The following ATAD2B variants were observed in gnomAD, a reference collection of about 807,000 sequenced individuals.
ATAD2B encodes the protein ATPase family AAA domain-containing protein 2B.
Under a neutral mutation model 167.6 loss-of-function variants are expected in ATAD2B, and 40 were observed. The observed-to-expected ratio is 0.24, with a 90% CI of 0.19 to 0.31. The LOEUF (loss-of-function observed/expected upper bound fraction) is 0.31, where lower values mean the gene tolerates loss of function less well. ATAD2B is among the 10% of genes least tolerant of loss of function. The pLI is 1.00. For synonymous variants in ATAD2B, 579 were observed against 596.5 expected (o/e 0.97, Z 0.43); for missense variants, 1,242 against 1,757.2 (o/e 0.71, Z 5.24).
chr2:23,866,663 C>T (rs1025373082), intron 10 of ATAD2B, among the ~76,000 whole-genome samples: 51 of 152,214 alleles, frequency 3.4e-4, no homozygotes, highest in South Asian at 8.3e-4. Context: ...ATATGCAATA[C>T]TCTAATATTT....
intron 20 of ATAD2B, among the ~76,000 whole-genome samples, chr2:23,788,032 G>A (rs146781679): frequency 2.6e-5 from 4 of 152,098 alleles, no homozygotes; most frequent in South Asian, 2.1e-4. Flanking sequence ...AGAATACAAC[G>A]TTAAATGTAA....
chr2:23,815,474 C>G lies in ATAD2B; in HGVS notation c.2267+4273G>C, dbSNP rs538794549. Among the ~76,000 whole-genome samples the G allele has an allele frequency of 2.0e-5, 3 of 152,234 alleles. No homozygotes were observed. In the South Asian group the frequency reaches 6.2e-4, roughly 32 times the overall value. ...GAAGAGAAGGGGCGTATGATACAGT[C>G]CAGCTATGTACGGAAAGATCCATGG... On this transcript the variant is annotated intron_variant, in intron 17 of 27. Coordinates refer to ENST00000238789, the MANE Select transcript of ATAD2B (RefSeq NM_017552.4).
At chr2:23,855,202 A>C (rs1480220651) in intron 13 of ATAD2B, among the ~76,000 whole-genome samples, 2 of 152,040 alleles carry the variant, frequency 1.3e-5, no homozygotes, top group Non-Finnish European at 2.9e-5. Flanking sequence ...CAAAAAAAAA[A>C]AAAAAACACA....
rs141489709 is a variant in ATAD2B at position 23,842,470 on chromosome 2, T to C, written c.1569-8392A>G. Among the ~76,000 whole-genome samples the C allele has an allele frequency of 1.4e-4, 21 of 152,124 alleles. 1 individual carries two copies. The East Asian group carries it at 3.3e-3, about 24-fold the overall frequency. ...AGAGACAGATGGGTTCTGGTGGGAG[T>C]TCATGGTAACTCAGAGAATGGAAAC... On this transcript the variant is annotated intron_variant, in intron 13 of 27. Transcript: ENST00000238789.
intron 4 of ATAD2B, 32 bp from the exon 5 acceptor site, chr2:23,885,861 C>A (rs763567468): frequency 4.1e-5 from 53 of 1,304,606 alleles, no homozygotes; most frequent in Non-Finnish European, 5.4e-5. Flanking sequence ...AGGATTTAGA[C>A]AATGGTGGCA....
At chr2:23,883,558 T>A in intron 6 of ATAD2B, 1 of 1,216,686 alleles carries the variant, frequency 8.2e-7, no homozygotes, top group Non-Finnish European at 1.1e-6. Context: ...GTTCAGTTAA[T>A]GAAAAGGCAA....
At chr2:23,730,628 T>C in the ATAD2B span, among the ~76,000 whole-genome samples, 2 of 114,846 alleles carry the variant, frequency 1.7e-5, no homozygotes, top group African/African-American at 6.7e-5. Flanking sequence ...ATCACACCAC[T>C]GCACTCCAGC....
At chr2:23,852,352 T>C (rs1022142456) in intron 13 of ATAD2B, among the ~76,000 whole-genome samples, 1 of 152,084 alleles carries the variant, frequency 6.6e-6, no homozygotes, top group Non-Finnish European at 1.5e-5. Context: ...CTTGCACTCC[T>C]AGACTCAAGA....
chr2:23,818,695 C>T (rs1166285578), intron 17 of ATAD2B, among the ~76,000 whole-genome samples: 2 of 152,134 alleles, frequency 1.3e-5, no homozygotes, highest in East Asian at 1.9e-4. Context: ...ACACACAATC[C>T]GGCCTCTTCT....
intron 1 of ATAD2B, among the ~76,000 whole-genome samples, chr2:23,905,254 A>C (rs1286008000): frequency 6.6e-6 from 1 of 152,212 alleles, no homozygotes; most frequent in Non-Finnish European, 1.5e-5. Flanking sequence ...ATGATAGCTC[A>C]TATCTATAAT....
intron 17 of ATAD2B, among the ~76,000 whole-genome samples, chr2:23,816,590 T>C (rs1686490454): frequency 6.6e-6 from 1 of 152,160 alleles, no homozygotes; most frequent in Non-Finnish European, 1.5e-5. Flanking sequence ...TATACATGCA[T>C]AGAGAGGACA....
the ATAD2B span, among the ~76,000 whole-genome samples, chr2:23,734,323 A>AT: frequency 1.3e-5 from 2 of 151,744 alleles, 1 homozygote; most frequent in South Asian, 4.2e-4. Context: ...CGCCTGGCTA[A>AT]TTTTTTTGCA....
chr2:23,786,298 G>A, intron 20 of ATAD2B, 75 bp from the exon 21 acceptor site: 2 of 1,162,380 alleles, frequency 1.7e-6, no homozygotes, highest in South Asian at 1.6e-5. Context: ...CTCTCAAAAT[G>A]TTCTTTAAAG....
At chr2:23,699,575 G>GTCCTT in the ATAD2B span, among the ~76,000 whole-genome samples, 2 of 152,152 alleles carry the variant, frequency 1.3e-5, no homozygotes, top group African/African-American at 4.8e-5. Flanking sequence ...GCCTCCTGTT[G>GTCCTT]TCCTTTCTCC....
At chr2:23,684,753 T>G in the ATAD2B span, among the ~76,000 whole-genome samples, 1 of 144,666 alleles carries the variant, frequency 6.9e-6, no homozygotes, top group East Asian at 1.9e-4. The surrounding 1 kb of genome is among the most constrained non-coding windows in gnomAD (Gnocchi z 4.4). Flanking sequence ...CACCCACAGC[T>G]TTGCTGTCAC....
At chr2:23,892,577 T>C (rs1347649670) in intron 2 of ATAD2B, among the ~76,000 whole-genome samples, 1 of 151,886 alleles carries the variant, frequency 6.6e-6, no homozygotes, top group Non-Finnish European at 1.5e-5. Context: ...GTTCAAGCAA[T>C]TCTCGTGCCT....
chr2:23,683,881 G>A, the ATAD2B span, among the ~76,000 whole-genome samples: 21 of 152,250 alleles, frequency 1.4e-4, no homozygotes, highest in African/African-American at 4.6e-4. Context: ...CTCCTCCCAC[G>A]CCATGGCTGT....
At chr2:23,834,152 C>G in intron 13 of ATAD2B, 74 bp from the exon 14 acceptor site, 1 of 117,898 alleles carries the variant, frequency 8.5e-6, no homozygotes, top group African/African-American at 5.5e-5. Flanking sequence ...ATCAGTCTTT[C>G]TTTTTTTTTT....
chr2:23,684,201 C>T, the ATAD2B span, among the ~76,000 whole-genome samples: 2 of 151,880 alleles, frequency 1.3e-5, no homozygotes, highest in South Asian at 2.1e-4. This position sits in a 1 kb window ranked among gnomAD's most constrained non-coding sequence, Gnocchi z 4.4. Flanking sequence ...GGTTATTAGC[C>T]CCTCCCAGTG....
Sources: allele counts gnomAD v4.1 joint callset (sites outside exome capture counted in the v4.1 genomes callset), GRCh38; gene constraint gnomAD v4.1.1; non-coding constraint Gnocchi (gnomAD v3.1); transcripts MANE v1.5; gene names NCBI Gene and HGNC (gene_info 2026-07-23, HGNC 2026-07-21).